Variants in PRKD3 observed in about 807,000 individuals in gnomAD.
PRKD3 encodes serine/threonine-protein kinase D3.
In PRKD3, 47 loss-of-function variants were observed where a neutral mutation model predicts 99.2. That is an observed-to-expected ratio of 0.47 (90% CI 0.38 to 0.60). The LOEUF (loss-of-function observed/expected upper bound fraction) is 0.60. PRKD3 is among the 20% of genes least tolerant of loss of function. The pLI is 0.00. For missense variants in PRKD3, 1,019 were observed against 1,088.4 expected, an observed-to-expected ratio of 0.94 and a Z score of 0.90; for synonymous variants, 392 against 355.4, an observed-to-expected ratio of 1.10 and a Z score of -1.16.
rs546625024 is a variant in PRKD3 at position 37,297,545 on chromosome 2, C to A, written c.289-4274G>T. Among the ~76,000 whole-genome samples, 3 of 152,126 alleles carry A rather than the reference C, an allele frequency of 2.0e-5. No individual in the cohort carries two copies. In the East Asian group the frequency reaches 5.8e-4, roughly 29 times the overall value. On this transcript the variant is annotated intron_variant, in intron 2 of 18. Coordinates refer to ENST00000234179, the MANE Select transcript of PRKD3 (RefSeq NM_005813.6). Reference sequence around the variant, plus strand: ...AGATTTCCTTATTTTTACCTAATACCCTTTTTCTGTTTAAGAATCCCATCC... The same window carrying A: ...AGATTTCCTTATTTTTACCTAATACACTTTTTCTGTTTAAGAATCCCATCC...
At chr2:37,322,314 G>A (rs988483672) in intron 1 of PRKD3, among the ~76,000 whole-genome samples, 2 of 152,136 alleles carry the variant, frequency 1.3e-5, no homozygotes, top group African/African-American at 4.8e-5. Flanking sequence ...TAGCAATCCC[G>A]ACAATGATTT....
chr2:37,262,900 C>T (rs559945781), intron 14 of PRKD3, among the ~76,000 whole-genome samples: 1 of 147,490 alleles, frequency 6.8e-6, no homozygotes, highest in African/African-American at 2.5e-5. Flanking sequence ...TTCCTTCCCC[C>T]CCCCGTATTT....
chr2:37,253,551 G>C, intron 18 of PRKD3: 1 of 477,794 alleles, frequency 2.1e-6, no homozygotes, highest in Non-Finnish European at 3.6e-6. Context: ...CAAACTCAGA[G>C]TCTCCAATGA....
intron 5 of PRKD3, 25 bp downstream of exon 5, chr2:37,289,331 A>G (rs774790208): frequency 6.2e-6 from 10 of 1,608,662 alleles, no homozygotes; most frequent in Non-Finnish European, 7.6e-6. Flanking sequence ...TACTACTAAA[A>G]TGTCTATTAC....
chr2:37,281,512 A>G (rs978579649), intron 7 of PRKD3, among the ~76,000 whole-genome samples: 1 of 152,140 alleles, frequency 6.6e-6, no homozygotes, highest in Non-Finnish European at 1.5e-5. Flanking sequence ...AAATATGTCC[A>G]CAGGAGTTCC....
In PRKD3 at chr2:37,279,866, C is replaced by A. The variant is rs910535446; in HGVS notation, c.1052G>T (p.Ser351Ile). Residue 351 changes from serine to isoleucine, a missense_variant, in exon 8 of 19, where the codon AGT (serine) becomes ATT (isoleucine). This residue lies in a region of PRKD3 where 710 missense variants were observed against 692.7 expected (regional missense o/e 1.02). Coordinates refer to ENST00000234179, the MANE Select transcript of PRKD3 (RefSeq NM_005813.6). The part of the protein sequence containing the change: ...PMDIDNNDIN[S>I]DSSRGLDDTE... ...GTCATCCAAACCCCGACTACTATCACTATTTATGTCATTATTGTCAATATC... is the reference window on the plus strand; with the variant it reads ...GTCATCCAAACCCCGACTACTATCAATATTTATGTCATTATTGTCAATATC... 4.3e-6 allele frequency: 7 copies of A among 1,613,022 alleles called. No homozygotes were observed. Among genetic ancestry groups the A allele is most frequent in the Admixed American group, 1.7e-5 (1 of 59,966 alleles).
At position 37,306,955 on chromosome 2, in the gene PRKD3, T is replaced by C. The variant is rs190089489; in HGVS notation, c.288+9282A>G. ...CTACAATGGTACTAAAAGAGAGACA[T>C]TGTAGATTTCTTCAAACTTCAGAAA... On this transcript the variant is annotated intron_variant, in intron 2 of 18. Transcript: ENST00000234179. Among the ~76,000 whole-genome samples the C allele has an allele frequency of 5.9e-5, 9 of 152,340 alleles. No individual in the cohort carries two copies. The East Asian group carries it at 1.3e-3, about 23-fold the overall frequency.
At chr2:37,304,532 G>A (rs894230448) in intron 2 of PRKD3, among the ~76,000 whole-genome samples, 1 of 152,110 alleles carries the variant, frequency 6.6e-6, no homozygotes, top group African/African-American at 2.4e-5. Context: ...CCTGAGGACA[G>A]GAGTTTGAGA....
intron 5 of PRKD3, among the ~76,000 whole-genome samples, chr2:37,287,025 G>A (rs1226534451): frequency 6.6e-6 from 1 of 151,808 alleles, no homozygotes; most frequent in African/African-American, 2.4e-5. Flanking sequence ...GAGGTCAGGA[G>A]TTCAAGACCA....
intron 2 of PRKD3, among the ~76,000 whole-genome samples, chr2:37,301,953 G>C (rs11899003): frequency 6.6e-6 from 1 of 152,126 alleles, no homozygotes; most frequent in Non-Finnish European, 1.5e-5. Context: ...AGTGGGTAGA[G>C]CACTGTAGAA....
chr2:37,275,891 C>G (rs1669542700), intron 9 of PRKD3, 47 bp from the exon 10 acceptor site: 7 of 1,578,482 alleles, frequency 4.4e-6, no homozygotes, highest in Non-Finnish European at 5.1e-6. Context: ...AATGATTCCT[C>G]CAAAGTGCTT....
At chr2:37,281,671 C>G (rs571064996) in intron 7 of PRKD3, among the ~76,000 whole-genome samples, 1 of 152,244 alleles carries the variant, frequency 6.6e-6, no homozygotes, top group South Asian at 2.1e-4. Flanking sequence ...TATATGCTAC[C>G]TAGCCTATGG....
chr2:37,266,160 T>C (rs1378425580), intron 14 of PRKD3, among the ~76,000 whole-genome samples: 2 of 152,188 alleles, frequency 1.3e-5, no homozygotes, highest in Non-Finnish European at 2.9e-5. Context: ...GCTTTTTGAT[T>C]ATCATGCCTC....
intron 14 of PRKD3, 93 bp downstream of exon 14, chr2:37,267,337 T>C (rs1225145485): frequency 3.6e-6 from 3 of 827,300 alleles, no homozygotes; most frequent in Admixed American, 2.7e-5. Flanking sequence ...TAATCTAATT[T>C]TGCCTTCTTA....
At chr2:37,324,116 A>G (rs1413043409) in intron 1 of PRKD3, 1 of 948,894 alleles carries the variant, frequency 1.1e-6, no homozygotes, top group Non-Finnish European at 1.3e-6. Context: ...AGCAACTCGG[A>G]ACAATGCTGC....
intron 9 of PRKD3, among the ~76,000 whole-genome samples, chr2:37,276,363 T>C (rs1452772591): frequency 2.0e-5 from 3 of 152,150 alleles, no homozygotes; most frequent in Admixed American, 6.5e-5. Flanking sequence ...ATCTTTGCTA[T>C]ACTGAAAAAT....
At chr2:37,309,826 G>A (rs1404819674) in intron 2 of PRKD3, among the ~76,000 whole-genome samples, 20 of 134,006 alleles carry the variant, frequency 1.5e-4, no homozygotes, top group African/African-American at 4.0e-4. Context: ...CCAGCCTGGC[G>A]ACAGAGCGAG....
intron 10 of PRKD3, 24 bp from the exon 11 acceptor site, chr2:37,274,721 A>T (rs1447447947): frequency 6.3e-7 from 1 of 1,591,870 alleles, no homozygotes; most frequent in Non-Finnish European, 8.6e-7. Flanking sequence ...TTAAGCATTG[A>T]AAAATAAGAA....
At chr2:37,258,511 T>G (rs561836522) in intron 16 of PRKD3, among the ~76,000 whole-genome samples, 2 of 152,314 alleles carry the variant, frequency 1.3e-5, no homozygotes, top group East Asian at 3.9e-4. Flanking sequence ...TCCCTTTGCT[T>G]CTCATTGGAA....
Sources: allele counts gnomAD v4.1 joint callset (sites outside exome capture counted in the v4.1 genomes callset), GRCh38; gene constraint gnomAD v4.1.1; regional missense constraint gnomAD v4.1.1; transcripts MANE v1.5; gene names NCBI Gene and HGNC (gene_info 2026-07-23, HGNC 2026-07-21).